Variants in OXR1 observed in about 807,000 individuals in gnomAD.
OXR1 encodes the protein oxidation resistance 1, also known as oxidation resistance protein 1.
OXR1 carries 41 observed loss-of-function variants against 104.6 expected under a neutral mutation model. The ratio of observed to expected loss-of-function variants is 0.39; its 90% CI spans 0.31 to 0.51. The LOEUF (loss-of-function observed/expected upper bound fraction) is 0.51, where lower values mean the gene tolerates loss of function less well. OXR1 is among the 20% of genes least tolerant of loss of function. The pLI is 0.77. For synonymous variants in OXR1, 348 were observed against 348.4 expected (o/e 1.00, Z 0.01); for missense variants, 955 against 1,031.9 (o/e 0.93, Z 1.02).
intron 3 of OXR1, among the ~76,000 whole-genome samples, chr8:106,573,344 T>TGC (rs1817608352): frequency 6.8e-6 from 1 of 146,644 alleles, no homozygotes; most frequent in Non-Finnish European, 1.5e-5. Flanking sequence ...AACCATCACA[T>TGC]ACACACACAC....
At chr8:106,723,476 C>T (rs554971963) in intron 11 of OXR1, among the ~76,000 whole-genome samples, 8 of 144,822 alleles carry the variant, frequency 5.5e-5, no homozygotes, top group Non-Finnish European at 1.0e-4. Context: ...CCAGCCTGGG[C>T]GACAGAGCAA....
At chr8:106,365,541 G>A (rs1816436063) in intron 2 of OXR1, among the ~76,000 whole-genome samples, 1 of 151,868 alleles carries the variant, frequency 6.6e-6, no homozygotes, top group Non-Finnish European at 1.5e-5. Context: ...TTGGGTTAAA[G>A]TTAAATTTAA....
intron 3 of OXR1, among the ~76,000 whole-genome samples, chr8:106,605,635 A>C (rs1264979381): frequency 6.8e-6 from 1 of 147,450 alleles, no homozygotes; most frequent in African/African-American, 2.5e-5. Flanking sequence ...TCTCTACTAA[A>C]AAAAAAAAAA....
intron 3 of OXR1, among the ~76,000 whole-genome samples, chr8:106,638,160 C>T (rs1352290827): frequency 1.3e-5 from 2 of 152,188 alleles, no homozygotes; most frequent in Admixed American, 1.3e-4. Context: ...CCTCCTTAGG[C>T]TGACGTTCAC....
intron 2 of OXR1, among the ~76,000 whole-genome samples, chr8:106,422,531 T>TA (rs5893791): frequency 0.51 from 77,395 of 151,904 alleles, 21,950 homozygotes; most frequent in East Asian, 0.78. Context: ...TATAAAATAG[T>TA]AAAAAAAGAC....
At chr8:106,727,067 G>A (rs1483263302) in intron 11 of OXR1, among the ~76,000 whole-genome samples, 1 of 152,052 alleles carries the variant, frequency 6.6e-6, no homozygotes, top group Non-Finnish European at 1.5e-5. Context: ...ATTTTAATAG[G>A]TGTTATTTTT....
chr8:106,633,036 C>G (rs1822825605), intron 3 of OXR1, among the ~76,000 whole-genome samples: 1 of 152,004 alleles, frequency 6.6e-6, no homozygotes, highest in Non-Finnish European at 1.5e-5. Context: ...GAGTTCAAGA[C>G]AAGCCTGGCC....
At chr8:106,544,277 C>A (rs1215858344) in intron 3 of OXR1, among the ~76,000 whole-genome samples, 3 of 150,536 alleles carry the variant, frequency 2.0e-5, no homozygotes, top group African/African-American at 7.3e-5. Context: ...GGCAGATGTG[C>A]AACACACAGG....
intron 11 of OXR1, among the ~76,000 whole-genome samples, chr8:106,732,167 A>G (rs1455344335): frequency 6.6e-6 from 1 of 152,090 alleles, no homozygotes; most frequent in Non-Finnish European, 1.5e-5. Flanking sequence ...TTTAACTTTC[A>G]AATTCCAAGT....
chr8:106,623,355 T>C (rs185817877), intron 3 of OXR1, among the ~76,000 whole-genome samples: 197 of 151,952 alleles, frequency 1.3e-3, no homozygotes, highest in Middle Eastern at 0.01. Flanking sequence ...CTGTGGACAT[T>C]AAAATAGTAA....
intron 2 of OXR1, among the ~76,000 whole-genome samples, chr8:106,436,404 C>A (rs990669021): frequency 6.6e-6 from 1 of 152,044 alleles, no homozygotes; most frequent in Non-Finnish European, 1.5e-5. Flanking sequence ...TCACCTCACT[C>A]TCTAGCCCCA....
chr8:106,717,190 A>T (rs894470790), intron 11 of OXR1, among the ~76,000 whole-genome samples: 3 of 152,218 alleles, frequency 2.0e-5, no homozygotes, highest in Non-Finnish European at 2.9e-5. Context: ...CATCTCAAAA[A>T]AAATAAATAA....
At chr8:106,636,689 A>G (rs1054312139) in intron 3 of OXR1, among the ~76,000 whole-genome samples, 1 of 152,142 alleles carries the variant, frequency 6.6e-6, no homozygotes, top group African/African-American at 2.4e-5. Context: ...TTCATGGGAT[A>G]ATACAAAGGA....
intron 3 of OXR1, among the ~76,000 whole-genome samples, chr8:106,554,427 G>A (rs1816107238): frequency 6.6e-6 from 1 of 152,160 alleles, no homozygotes; most frequent in South Asian, 2.1e-4. Context: ...ATCTAATGCA[G>A]GATCCTGGAT....
chr8:106,333,747 T>C (rs1563722955), intron 1 of OXR1, among the ~76,000 whole-genome samples: 1 of 152,118 alleles, frequency 6.6e-6, no homozygotes, highest in Non-Finnish European at 1.5e-5. Flanking sequence ...TTTTTGGCAC[T>C]CTTGTTGAAA....
chr8:106,446,829 G>T lies in OXR1; in HGVS notation c.24-72114G>T, dbSNP rs115803811. ...TGTCTGTACTCTCAGCTACTCTGGA[G>T]GCTGAAACAGGAAGATCACTTGAGA... On this transcript the variant is annotated intron_variant, in intron 2 of 16. Coordinates refer to ENST00000517566, the MANE Select transcript of OXR1 (RefSeq NM_001198533.2). 6.8e-3 allele frequency among the ~76,000 whole-genome samples: 1,030 copies of T among 152,212 alleles called. 11 individuals are homozygous for T. The highest frequency in any genetic ancestry group is 0.024 in the African/African-American group (990 of 41,530).
intron 2 of OXR1, among the ~76,000 whole-genome samples, chr8:106,462,670 A>G (rs1820972885): frequency 6.6e-6 from 1 of 152,184 alleles, no homozygotes; most frequent in Non-Finnish European, 1.5e-5. Context: ...CTTATTAATA[A>G]TGTGCAATAA....
At chr8:106,463,332 T>A (rs891948849) in intron 2 of OXR1, among the ~76,000 whole-genome samples, 13 of 152,114 alleles carry the variant, frequency 8.5e-5, no homozygotes, top group African/African-American at 2.7e-4. Context: ...CATAAACATT[T>A]AGTTTTTCTC....
chr8:106,275,270 T>G (rs1563689333), intron 1 of OXR1, among the ~76,000 whole-genome samples: 1 of 152,242 alleles, frequency 6.6e-6, no homozygotes, highest in Non-Finnish European at 1.5e-5. Context: ...CCTTTTCCTT[T>G]CCTTAGCAAA....
Sources: gnomAD v4.1 joint callset for allele counts (sites outside exome capture counted in the v4.1 genomes callset) on GRCh38, gnomAD v4.1.1 for gene constraint, MANE v1.5 for transcripts, NCBI Gene and HGNC (gene_info 2026-07-23, HGNC 2026-07-21) for gene names.